The following TXNDC12 variants were observed in gnomAD, a reference collection of about 807,000 sequenced individuals.
TXNDC12 encodes thioredoxin domain-containing protein 12.
In TXNDC12, 22 loss-of-function variants were observed where a neutral mutation model predicts 24.2. The observed-to-expected ratio is 0.91, with a 90% CI of 0.65 to 1.30. TXNDC12 has a LOEUF of 1.30. Ranked by LOEUF, TXNDC12 falls within the 50% of genes most tolerant of loss-of-function variation. TXNDC12 has a pLI of 0.00. For synonymous variants in TXNDC12, 58 were observed against 73.4 expected (o/e 0.79, Z 1.07); for missense variants, 184 against 205.8 (o/e 0.89, Z 0.65).
intron 2 of TXNDC12, among the ~76,000 whole-genome samples, chr1:52,040,037 T>C (rs902062530): frequency 3.9e-5 from 6 of 152,096 alleles, no homozygotes; most frequent in Admixed American, 2.6e-4. Flanking sequence ...GTTCAAGTGA[T>C]TCTCTTGCTT....
At chr1:52,054,873 A>C (rs1318475497) in intron 1 of TXNDC12, 127 bp downstream of exon 1, 3 of 651,628 alleles carry the variant, frequency 4.6e-6, no homozygotes, top group Non-Finnish European at 5.3e-6. Context: ...CGGTTGGGGA[A>C]GATAAAAAGA....
chr1:52,051,851 T>G (rs1171247749), intron 1 of TXNDC12: 1 of 169,274 alleles, frequency 5.9e-6, no homozygotes, highest in Non-Finnish European at 1.5e-5. Context: ...TTGCCTCAGG[T>G]AGCACTTTTT....
At chr1:52,034,270 A>G (rs2124373031) in intron 2 of TXNDC12, among the ~76,000 whole-genome samples, 1 of 152,346 alleles carries the variant, frequency 6.6e-6, no homozygotes, top group Admixed American at 6.5e-5. Flanking sequence ...CTGAATGGGA[A>G]GGATCAGGCG....
At position 52,027,264 on chromosome 1, in the gene TXNDC12, C is replaced by G. The variant is rs367989732; in HGVS notation, c.285+11G>C. 4 of 1,595,276 alleles carry G rather than the reference C, an allele frequency of 2.5e-6. No homozygotes were observed. Among genetic ancestry groups the G allele is most frequent in the Non-Finnish European group, 2.6e-6 (3 of 1,165,000 alleles). ...AATCATAGCAGAAAGGAGAAACTCT[C>G]AAAGTCTTACCTCAAGATTTACCAT... is the stretch of plus-strand genomic sequence containing the variant. On this transcript the variant is annotated intron_variant, in intron 4 of 6. Transcript: ENST00000371626.
chr1:52,032,724 A>T, intron 2 of TXNDC12: 1 of 1,610,416 alleles, frequency 6.2e-7, no homozygotes, highest in Non-Finnish European at 8.5e-7. Flanking sequence ...TCAAATACTG[A>T]AGAAACATGT....
intron 2 of TXNDC12, chr1:52,033,105 G>T: frequency 6.2e-7 from 1 of 1,611,660 alleles, no homozygotes; most frequent in Non-Finnish European, 8.5e-7. Flanking sequence ...TCCGAGAATC[G>T]GGAGCCTCAA....
chr1:52,020,360 G>T lies in TXNDC12; in HGVS notation c.*573C>A. ...CGTGCAAACAGGGAAGCTCAAGCAT[G>T]AGAAGAGGAAAGAGGCTGTAGAAAT... On this transcript the variant is annotated 3_prime_UTR_variant, in exon 7 of 7. Transcript: ENST00000371626. The T allele has an allele frequency of 2.6e-6, 1 of 381,780 alleles. No homozygotes were observed. The highest frequency in any genetic ancestry group is 2.9e-5 in the South Asian group (1 of 34,482). 23.6% of individuals were successfully genotyped at this position (381,780 alleles called of 1,614,324 possible).
chr1:52,022,635 G>GTTTTT (rs1188645759), intron 6 of TXNDC12, among the ~76,000 whole-genome samples: 11 of 118,614 alleles, frequency 9.3e-5, no homozygotes, highest in African/African-American at 1.6e-4. Context: ...GGTTTTTTTG[G>GTTTTT]TTTTTTTTTT....
chr1:52,038,278 G>C (rs1475720152), intron 2 of TXNDC12, among the ~76,000 whole-genome samples: 1 of 151,288 alleles, frequency 6.6e-6, no homozygotes, highest in Non-Finnish European at 1.5e-5. Context: ...TTCATCTGCT[G>C]CCTCTTGGTC....
chr1:52,049,656 A>G (rs187952535), intron 1 of TXNDC12, among the ~76,000 whole-genome samples: 3 of 152,216 alleles, frequency 2.0e-5, no homozygotes, highest in Admixed American at 1.3e-4. Flanking sequence ...TTACATTGGA[A>G]TTTTTTATAA....
intron 2 of TXNDC12, among the ~76,000 whole-genome samples, chr1:52,038,316 T>G (rs964281569): frequency 8.4e-6 from 1 of 118,690 alleles, no homozygotes; most frequent in African/African-American, 3.4e-5. Flanking sequence ...CTGTATCTTG[T>G]TTTTTTTTTT....
chr1:52,048,434 C>G (rs1239257588), intron 1 of TXNDC12, among the ~76,000 whole-genome samples: 1 of 150,128 alleles, frequency 6.7e-6, no homozygotes, highest in Non-Finnish European at 1.5e-5. Context: ...CCACTGCACT[C>G]TAGCTCGGGC....
In TXNDC12 at chr1:52,024,457, ATT is replaced by A. The variant is rs955108697; in HGVS notation, c.355+51_355+52del. The A allele has an allele frequency of 5.3e-4, 753 of 1,416,934 alleles. 3 individuals are homozygous for A. Among genetic ancestry groups the A allele is most frequent in the Admixed American group, 6.2e-4 (36 of 58,044 alleles). The allele number at this position is 1,416,934 out of a possible 1,614,324, so 87.8% of individuals were successfully genotyped here. A position where few individuals can be genotyped will look rare whatever the true frequency, so the allele number is the denominator to read the frequency against. Reference sequence around the variant, plus strand: ...CTAGGTGAAGTCAGTGCCTTGATTCATTTCTCTCTCCATCCACATCATGGATT... The same window carrying A: ...CTAGGTGAAGTCAGTGCCTTGATTCATCTCTCTCCATCCACATCATGGATT... On this transcript the variant is annotated intron_variant, in intron 5 of 6. Coordinates refer to ENST00000371626, the MANE Select transcript of TXNDC12 (RefSeq NM_015913.4).
At chr1:52,041,027 T>A (rs1685977942) in intron 2 of TXNDC12, among the ~76,000 whole-genome samples, 1 of 141,420 alleles carries the variant, frequency 7.1e-6, no homozygotes, top group Non-Finnish European at 1.5e-5. Flanking sequence ...AAAGCAAGAC[T>A]CTGTCTCAAA....
intron 2 of TXNDC12, among the ~76,000 whole-genome samples, chr1:52,034,320 A>T (rs1380041190): frequency 6.6e-6 from 1 of 152,216 alleles, no homozygotes; most frequent in Non-Finnish European, 1.5e-5. Flanking sequence ...GGATAGATGC[A>T]GGTGAGGTTA....
rs200791426 is a variant in TXNDC12 at position 52,032,830 on chromosome 1, C to T, written c.159-4200G>A. ...ACTCAGTTCTGCCATGGTCAAGGGC[C>T]GGGTAAACCGCAAGTGCTCTGTGGT... On this transcript the variant is annotated intron_variant, in intron 2 of 6. Transcript: ENST00000371626. 5 of 1,614,228 alleles carry T rather than the reference C, an allele frequency of 3.1e-6. No homozygotes were observed. In the East Asian group the frequency reaches 6.7e-5, roughly 22 times the overall value.
At position 52,024,540 on chromosome 1, in the gene TXNDC12, C is replaced by T. The variant is rs1217242438; in HGVS notation, c.325G>A (p.Gly109Arg). Residue 109 changes from glycine to arginine, a missense_variant, in exon 5 of 7, where the codon GGG becomes AGG. Transcript: ENST00000371626. Reference sequence around the variant, plus strand: ...AAAAGGATTCGTGGAATATAACCCCCGTCAGGGCTGAAATCTTCATCTTTG... The same window carrying T: ...AAAAGGATTCGTGGAATATAACCCCTGTCAGGGCTGAAATCTTCATCTTTG... ...EPKDEDFSPDGGYIPRILFLD... is the reference protein window; with the variant it reads ...EPKDEDFSPDRGYIPRILFLD... 12 of 1,612,914 alleles carry T rather than the reference C, an allele frequency of 7.4e-6. No homozygotes were observed. The highest frequency in any genetic ancestry group is 2.7e-5 in the African/African-American group (2 of 74,874).
intron 2 of TXNDC12, among the ~76,000 whole-genome samples, chr1:52,036,177 T>C (rs549349806): frequency 5.6e-4 from 86 of 152,258 alleles, no homozygotes; most frequent in South Asian, 1.0e-3. Flanking sequence ...CCCTAAAACT[T>C]AACTATTAAT....
At position 52,023,444 on chromosome 1, in the gene TXNDC12, C is replaced by T. The variant is rs369876117; in HGVS notation, c.439+47G>A. ...TCACAGACCTTGCATGTGGTTCATC[C>T]TAGTTCAATCTAGCAATAATCCTCC... On this transcript the variant is annotated intron_variant, in intron 6 of 6. Coordinates refer to ENST00000371626, the MANE Select transcript of TXNDC12 (RefSeq NM_015913.4). 3.4e-6 allele frequency: 5 copies of T among 1,470,340 alleles called. No individual in the cohort carries two copies. The African/African-American group carries it at 7.0e-5, about 20-fold the overall frequency. The allele number at this position is 1,470,340 out of a possible 1,614,324, so 91.1% of individuals were successfully genotyped here.
Sources: allele counts gnomAD v4.1 joint callset (sites outside exome capture counted in the v4.1 genomes callset), GRCh38; gene constraint gnomAD v4.1.1; transcripts MANE v1.5; gene names NCBI Gene and HGNC (gene_info 2026-07-23, HGNC 2026-07-21).